The following LRPPRC variants were observed in gnomAD, a reference collection of about 807,000 sequenced individuals.
LRPPRC encodes leucine-rich PPR motif-containing protein, mitochondrial.
In LRPPRC, 120 loss-of-function variants were observed where a neutral mutation model predicts 180.3. The observed-to-expected ratio is 0.67, with a 90% CI of 0.57 to 0.77. The LOEUF is 0.77. Ranked by LOEUF, LRPPRC falls within the 30% of genes least tolerant of loss-of-function variation. LRPPRC has a pLI of 0.00. For synonymous variants in LRPPRC, 723 were observed against 600.0 expected (o/e 1.21, Z -3.00); for missense variants, 2,012 against 1,657.2 (o/e 1.21, Z -3.72).
chr2:43,916,119 T>G (rs1004933489), intron 29 of LRPPRC, among the ~76,000 whole-genome samples: 3 of 152,298 alleles, frequency 2.0e-5, no homozygotes, highest in African/African-American at 7.2e-5. Context: ...CTAAATTGAT[T>G]CCTTTCCAAT....
intron 2 of LRPPRC, among the ~76,000 whole-genome samples, chr2:43,980,529 GACA>G (rs1168183619): frequency 2.8e-5 from 3 of 107,892 alleles, no homozygotes; most frequent in Admixed American, 2.2e-4. Flanking sequence ...CTCCAGCCTA[GACA>G]ACAAGATCAA....
intron 36 of LRPPRC, among the ~76,000 whole-genome samples, chr2:43,893,055 T>C (rs768528628): frequency 5.9e-5 from 9 of 152,158 alleles, no homozygotes; most frequent in Non-Finnish European, 1.3e-4. Context: ...TCACTGCAGA[T>C]GTGGAAATAG....
At chr2:43,992,167 C>T (rs914304342) in intron 1 of LRPPRC, among the ~76,000 whole-genome samples, 1 of 152,038 alleles carries the variant, frequency 6.6e-6, no homozygotes, top group Non-Finnish European at 1.5e-5. Flanking sequence ...GAGAGGCAGT[C>T]AAGTTAAGGT....
At position 43,890,660 on chromosome 2, in the gene LRPPRC, C is replaced by A. The variant is rs369311458; in HGVS notation, c.3986-784G>T. ...CCCGGGAGGTGGAGCTTGCAGTGAG[C>A]CGAGATGGTGCCACTGCACTCCAGC... On this transcript the variant is annotated intron_variant, in intron 36 of 37. Coordinates refer to ENST00000260665, the MANE Select transcript of LRPPRC (RefSeq NM_133259.4). 4.7e-4 allele frequency among the ~76,000 whole-genome samples: 72 copies of A among 152,288 alleles called. 1 individual carries two copies. The South Asian group carries it at 5.4e-3, about 11-fold the overall frequency.
At position 43,890,391 on chromosome 2, in the gene LRPPRC, T is replaced by G. The variant is rs1464428929; in HGVS notation, c.3986-515A>C. ...TTGTAAAATAAACAAATATGGAAAG[T>G]ATAGTTAGCTACAATGATACACACA... On this transcript the variant is annotated intron_variant, in intron 36 of 37. Coordinates refer to ENST00000260665, the MANE Select transcript of LRPPRC (RefSeq NM_133259.4). 1.9e-5 allele frequency: 9 copies of G among 468,712 alleles called. No individual in the cohort carries two copies. The East Asian group carries it at 6.3e-4, about 33-fold the overall frequency. The allele number at this position is 468,712 out of a possible 1,614,324, so 29.0% of individuals were successfully genotyped here.
intron 34 of LRPPRC, 41 bp downstream of exon 34, chr2:43,899,178 A>G (rs1392419548): frequency 7.2e-7 from 1 of 1,383,012 alleles, no homozygotes; most frequent in Admixed American, 1.7e-5. Context: ...TACTTCTTGC[A>G]AGCCTCGAGC....
intron 2 of LRPPRC, 86 bp from the exon 3 acceptor site, chr2:43,980,034 G>T: frequency 7.4e-7 from 1 of 1,348,568 alleles, no homozygotes; most frequent in Non-Finnish European, 1.1e-6. Flanking sequence ...AAATCTATAA[G>T]CATTCAAAAA....
intron 15 of LRPPRC, among the ~76,000 whole-genome samples, chr2:43,950,225 CTTTTA>C (rs891709522): frequency 5.4e-5 from 8 of 146,960 alleles, no homozygotes; most frequent in Admixed American, 2.0e-4. Context: ...TAATTTCCAA[CTTTTA>C]TTTTAAGTTC....
intron 14 of LRPPRC, among the ~76,000 whole-genome samples, chr2:43,951,631 T>C (rs1672906785): frequency 2.0e-5 from 3 of 152,178 alleles, no homozygotes; most frequent in African/African-American, 7.2e-5. Flanking sequence ...TTATTTTTAA[T>C]AGTCCAGCAA....
At chr2:43,917,571 C>T (rs1393305488) in intron 29 of LRPPRC, among the ~76,000 whole-genome samples, 1 of 151,876 alleles carries the variant, frequency 6.6e-6, no homozygotes, top group Non-Finnish European at 1.5e-5. Context: ...GGGCAGATCA[C>T]GAGGTCAGGA....
chr2:43,962,730 AAG>A (rs1553408220), intron 12 of LRPPRC, among the ~76,000 whole-genome samples: 6 of 152,326 alleles, frequency 3.9e-5, no homozygotes, highest in African/African-American at 1.4e-4. Flanking sequence ...AGTTTAAAAA[AAG>A]AGAGAGAGAC....
intron 23 of LRPPRC, among the ~76,000 whole-genome samples, chr2:43,936,077 C>CAAAAAAAACTT (rs1672267001): frequency 6.6e-6 from 1 of 151,360 alleles, no homozygotes; most frequent in South Asian, 2.1e-4. Flanking sequence ...AAGTGAAACT[C>CAAAAAAAACTT]TGTTTCAAAA....
intron 23 of LRPPRC, among the ~76,000 whole-genome samples, 170 bp downstream of exon 23, chr2:43,943,517 G>A (rs377408216): frequency 1.3e-5 from 2 of 152,166 alleles, no homozygotes; most frequent in East Asian, 3.9e-4. Context: ...CAGGACCACA[G>A]GGCTGCTAGT....
intron 23 of LRPPRC, among the ~76,000 whole-genome samples, chr2:43,942,235 G>A (rs1033749626): frequency 1.3e-5 from 2 of 152,142 alleles, no homozygotes; most frequent in Middle Eastern, 3.4e-3. Context: ...ATTTTTGCCC[G>A]GTAGTGTAGG....
chr2:43,892,799 C>A (rs564992388), intron 36 of LRPPRC: 50 of 150,746 alleles, frequency 3.3e-4, no homozygotes, highest in African/African-American at 1.2e-3. Flanking sequence ...ATGTTTTAAA[C>A]ATAAAATTAA....
At chr2:43,924,453 G>C (rs1207609088) in intron 27 of LRPPRC, among the ~76,000 whole-genome samples, 1 of 152,178 alleles carries the variant, frequency 6.6e-6, no homozygotes, top group African/African-American at 2.4e-5. Flanking sequence ...GAATAACGTA[G>C]TGTTGTTTTA....
chr2:43,923,101 T>C (rs1039833310), intron 27 of LRPPRC, among the ~76,000 whole-genome samples: 5 of 150,008 alleles, frequency 3.3e-5, no homozygotes, highest in African/African-American at 1.2e-4. Context: ...AAGAAAATAG[T>C]ATTAAACTCA....
intron 25 of LRPPRC, among the ~76,000 whole-genome samples, chr2:43,932,558 G>A (rs761631042): frequency 3.9e-5 from 6 of 152,108 alleles, no homozygotes; most frequent in Non-Finnish European, 5.9e-5. Flanking sequence ...TAATTAAGAG[G>A]CAGTCTTCTC....
At chr2:43,992,132 C>A (rs544971827) in intron 1 of LRPPRC, among the ~76,000 whole-genome samples, 76 of 152,124 alleles carry the variant, frequency 5.0e-4, no homozygotes, top group African/African-American at 1.6e-3. Context: ...TAAGAGGAGG[C>A]ACAAGAAAGG....
Sources: gnomAD v4.1 joint callset for allele counts (sites outside exome capture counted in the v4.1 genomes callset) on GRCh38, gnomAD v4.1.1 for gene constraint, MANE v1.5 for transcripts, NCBI Gene and HGNC (gene_info 2026-07-23, HGNC 2026-07-21) for gene names.